Variants in SPG11 observed in about 807,000 individuals in gnomAD.
SPG11 encodes the protein SPG11 vesicle trafficking associated, spatacsin.
Under a neutral mutation model 274.0 loss-of-function variants are expected in SPG11, and 222 were observed. The ratio of observed to expected loss-of-function variants is 0.81; its 90% CI spans 0.73 to 0.91. SPG11 has a LOEUF of 0.91. Ranked by LOEUF, SPG11 falls within the 40% of genes least tolerant of loss-of-function variation. The probability of loss-of-function intolerance (pLI) is 0.00; values close to 1 mark genes in which losing one functional copy is unlikely to be tolerated. For missense variants in SPG11, 3,114 were observed against 2,872.7 expected, an observed-to-expected ratio of 1.08 and a Z score of -1.92; for synonymous variants, 1,144 against 1,039.7, an observed-to-expected ratio of 1.10 and a Z score of -1.93.
chr15:44,620,750 G>C (rs904088075), intron 14 of SPG11: 2 of 195,906 alleles, frequency 1.0e-5, no homozygotes, highest in African/African-American at 4.8e-5. Flanking sequence ...CCAGGCTGGA[G>C]TGCAGTGGCG....
At chr15:44,613,573 C>A in intron 16 of SPG11, 37 bp from the exon 17 acceptor site, 2 of 1,332,800 alleles carry the variant, frequency 1.5e-6, no homozygotes, top group Non-Finnish European at 2.2e-6. Flanking sequence ...CTTTGATTAA[C>A]ATACAGGATA....
intron 20 of SPG11, among the ~76,000 whole-genome samples, chr15:44,602,510 GCT>G (rs1385870454): frequency 2.1e-5 from 3 of 146,048 alleles, no homozygotes; most frequent in South Asian, 4.3e-4. Context: ...ATGGAGTCTT[GCT>G]CTGTTGCCCA....
chr15:44,620,455 T>C (rs2083712311), intron 14 of SPG11, 52 bp from the exon 15 acceptor site: 1 of 1,276,312 alleles, frequency 7.8e-7, no homozygotes. Flanking sequence ...TCTATTGACA[T>C]GTAACTCAAC....
intron 19 of SPG11, among the ~76,000 whole-genome samples, chr15:44,607,451 G>T (rs1485360678): frequency 6.6e-6 from 1 of 152,054 alleles, no homozygotes. Context: ...CTGGCTAATT[G>T]TTATATTTTT....
chr15:44,563,267 C>G lies in SPG11; in HGVS notation c.7186G>C (p.Glu2396Gln). ...KQHQPTDMVM[E>Q]NLKKLLTYCE... ...TATGTGAGTAATTTCTTCAGGTTTT[C>G]CATGACCATGTCAGTAGGCTGATGT... is the stretch of plus-strand genomic sequence containing the variant. The change falls in exon 40 of 40, where the codon GAA (glutamate) becomes CAA (glutamine). Residue 2396 changes from glutamate (E) to glutamine (Q), a missense_variant. Physicochemically the swap from Glu to Gln is conservative, Grantham distance 29. Transcript: ENST00000261866. The G allele has an allele frequency of 6.2e-7, 1 of 1,613,896 alleles. No individual in the cohort carries two copies. The highest frequency in any genetic ancestry group is 8.5e-7 in the Non-Finnish European group (1 of 1,179,792).
At chr15:44,574,786 C>T in intron 31 of SPG11, 116 bp downstream of exon 31, 1 of 1,258,734 alleles carries the variant, frequency 7.9e-7, no homozygotes, top group South Asian at 1.2e-5. Context: ...GATAAGAGCT[C>T]TACTCCCAGG....
intron 11 of SPG11, among the ~76,000 whole-genome samples, 176 bp downstream of exon 11, chr15:44,626,155 G>A (rs989999058): frequency 6.6e-6 from 1 of 151,978 alleles, no homozygotes; most frequent in African/African-American, 2.4e-5. Flanking sequence ...TGGGATTATA[G>A]ACATGAGCCA....
At chr15:44,596,972 T>G (rs1307547350) in intron 23 of SPG11, 29 bp from the exon 24 acceptor site, 1 of 1,612,106 alleles carries the variant, frequency 6.2e-7, no homozygotes, top group Admixed American at 1.7e-5. Flanking sequence ...GTGGGGGTGG[T>G]CAAGAAAAAA....
chr15:44,654,399 T>C (rs1427216568), intron 4 of SPG11, among the ~76,000 whole-genome samples: 1 of 152,004 alleles, frequency 6.6e-6, no homozygotes, highest in Non-Finnish European at 1.5e-5. Context: ...TCCCAGCTAC[T>C]TGGGAGGCTG....
chr15:44,601,935 C>T (rs1434023794), intron 20 of SPG11, among the ~76,000 whole-genome samples: 2 of 152,110 alleles, frequency 1.3e-5, no homozygotes, highest in Non-Finnish European at 2.9e-5. Flanking sequence ...GATCTTTGAC[C>T]TCTTTGATTA....
chr15:44,643,870 T>A (rs1484581423), intron 7 of SPG11, among the ~76,000 whole-genome samples: 1 of 151,908 alleles, frequency 6.6e-6, no homozygotes, highest in African/African-American at 2.4e-5. Flanking sequence ...AATATAGATA[T>A]AAAAATTCTC....
chr15:44,576,961 G>C (rs989795843), intron 30 of SPG11, among the ~76,000 whole-genome samples: 2 of 151,724 alleles, frequency 1.3e-5, no homozygotes, highest in African/African-American at 4.8e-5. Context: ...AGTGTAGCTG[G>C]GATTACGGGT....
intron 38 of SPG11, 106 bp from the exon 39 acceptor site, chr15:44,564,804 A>G (rs893665767): frequency 8.1e-7 from 1 of 1,240,920 alleles, no homozygotes; most frequent in African/African-American, 1.5e-5. Context: ...TGTAGTGAAT[A>G]TGATCATTAC....
intron 34 of SPG11, 111 bp from the exon 35 acceptor site, chr15:44,569,616 G>C: frequency 1.2e-6 from 1 of 809,596 alleles, no homozygotes; most frequent in Non-Finnish European, 2.1e-6. Context: ...AGGAGGAGAA[G>C]GGCTAATTTC....
At chr15:44,598,485 A>C in intron 22 of SPG11, 112 bp from the exon 23 acceptor site, 1 of 1,261,414 alleles carries the variant, frequency 7.9e-7, no homozygotes, top group Non-Finnish European at 1.1e-6. Context: ...AAAGTGCCCA[A>C]GAAAGTGAGA....
At chr15:44,599,972 C>T (rs1272503446) in intron 21 of SPG11, among the ~76,000 whole-genome samples, 2 of 152,178 alleles carry the variant, frequency 1.3e-5, no homozygotes, top group African/African-American at 4.8e-5. Context: ...TTAAGCCCCG[C>T]ATGCATTAGG....
Position 44,568,869 on chromosome 15 carries a change from T to C in SPG11, c.6585+529A>G, listed in dbSNP as rs1022309048. Among the ~76,000 whole-genome samples, 6 of 152,096 alleles carry C rather than the reference T, an allele frequency of 3.9e-5. No homozygotes were observed. The East Asian group carries it at 5.8e-4, about 15-fold the overall frequency. On this transcript the variant is annotated intron_variant, in intron 35 of 39. Coordinates refer to ENST00000261866, the MANE Select transcript of SPG11 (RefSeq NM_025137.4). Reference sequence around the variant, plus strand: ...GCTGAGGTGGAGGAGGACAAACTTATTTTCTTCAGTATTTAGCATCGGCTG... The same window carrying C: ...GCTGAGGTGGAGGAGGACAAACTTACTTTCTTCAGTATTTAGCATCGGCTG...
chr15:44,639,634 G>A (rs931792338), intron 7 of SPG11, among the ~76,000 whole-genome samples: 11 of 151,836 alleles, frequency 7.2e-5, no homozygotes, highest in African/African-American at 2.4e-4. Flanking sequence ...ACTGGGAGGC[G>A]GAGGCTGCAG....
At position 44,663,633 on chromosome 15, in the gene SPG11, T is replaced by C. The variant is rs1444959753; in HGVS notation, c.15A>G (p.Glu5=). 1 of 1,595,420 alleles carries C rather than the reference T, an allele frequency of 6.3e-7. No individual in the cohort carries two copies. The highest frequency in any genetic ancestry group is 8.5e-7 in the Non-Finnish European group (1 of 1,176,486). The change falls in exon 1 of 40, where the codon GAA becomes GAG. Residue 5 remains glutamate, a synonymous_variant. Coordinates refer to ENST00000261866, the MANE Select transcript of SPG11 (RefSeq NM_025137.4). MAAE[E]GVASAASAGG... ...CGGCGGAAGCAGCACTCGCGACCCC[T>C]TCCTCTGCAGCCATCTTGGCCCGGC...
Sources: allele counts gnomAD v4.1 joint callset (sites outside exome capture counted in the v4.1 genomes callset), GRCh38; gene constraint gnomAD v4.1.1; transcripts MANE v1.5; gene names NCBI Gene and HGNC (gene_info 2026-07-23, HGNC 2026-07-21).